The following TMEM229B variants were observed in gnomAD, a reference collection of about 807,000 sequenced individuals.
TMEM229B encodes chromosome 14 open reading frame 83.
TMEM229B carries 6 observed loss-of-function variants against 13.7 expected under a neutral mutation model. The ratio of observed to expected loss-of-function variants is 0.44; its 90% CI spans 0.24 to 0.86. The LOEUF is 0.86. TMEM229B is among the 40% of genes least tolerant of loss of function. TMEM229B has a pLI of 0.23. For synonymous variants in TMEM229B, 107 were observed against 102.1 expected, an observed-to-expected ratio of 1.05 and a Z score of -0.29; for missense variants, 170 against 236.0, an observed-to-expected ratio of 0.72 and a Z score of 1.83.
At chr14:67,490,049 T>C (rs887057787), upstream of TMEM229B, among the ~76,000 whole-genome samples, 21 of 152,146 alleles carry the variant, frequency 1.4e-4, no homozygotes, top group African/African-American at 4.8e-4. Context: ...ATGAATTTCT[T>C]GAGATCATAA....
intron 1 of TMEM229B, among the ~76,000 whole-genome samples, chr14:67,506,505 C>A (rs1479188064): frequency 6.6e-6 from 1 of 152,090 alleles, no homozygotes; most frequent in Non-Finnish European, 1.5e-5. Context: ...TCTCTCATCC[C>A]CCCAGTAGCA....
chr14:67,498,407 G>A (rs2032476834), intron 1 of TMEM229B, among the ~76,000 whole-genome samples: 1 of 152,180 alleles, frequency 6.6e-6, no homozygotes, highest in African/African-American at 2.4e-5. Flanking sequence ...GCAAAGGGGA[G>A]ACTTTGCTTT....
upstream of TMEM229B, among the ~76,000 whole-genome samples, chr14:67,489,723 G>A (rs914614656): frequency 1.3e-5 from 2 of 152,190 alleles, no homozygotes; most frequent in Non-Finnish European, 2.9e-5. Flanking sequence ...GGGCGCGGTG[G>A]CTCACGCCTG....
intron 1 of TMEM229B, among the ~76,000 whole-genome samples, chr14:67,524,901 A>G (rs2140276738): frequency 6.6e-6 from 1 of 152,236 alleles, no homozygotes; most frequent in African/African-American, 2.4e-5. Context: ...TAATGAAGGG[A>G]AAGGAGGCAG....
At chr14:67,489,566 CCTT>C (rs2140138774), upstream of TMEM229B, among the ~76,000 whole-genome samples, 1 of 152,310 alleles carries the variant, frequency 6.6e-6, no homozygotes, top group South Asian at 2.1e-4. Context: ...CATTCTGACT[CCTT>C]CTTCCAGACC....
At chr14:67,489,195 T>C (rs1269254566), upstream of TMEM229B, among the ~76,000 whole-genome samples, 1 of 152,168 alleles carries the variant, frequency 6.6e-6, no homozygotes, top group Non-Finnish European at 1.5e-5. Flanking sequence ...AATGGTCACC[T>C]CTATTTTAGA....
At chr14:67,503,523 T>C (rs2077050738) in intron 1 of TMEM229B, 1 of 152,160 alleles carries the variant, frequency 6.6e-6, no homozygotes, top group Non-Finnish European at 1.5e-5. Context: ...GCATGCCACC[T>C]TCATGACTCG....
chr14:67,486,496 A>G (rs1240494115), intron 2 of TMEM229B, among the ~76,000 whole-genome samples: 1 of 152,162 alleles, frequency 6.6e-6, no homozygotes, highest in African/African-American at 2.4e-5. Flanking sequence ...GATGGTCTCA[A>G]TCTGTTGACC....
At chr14:67,475,768 C>T (rs1412758229) in intron 2 of TMEM229B, among the ~76,000 whole-genome samples, 1 of 152,294 alleles carries the variant, frequency 6.6e-6, no homozygotes, top group South Asian at 2.1e-4. Context: ...TCTTCAACGC[C>T]CGGCTCCCAT....
At chr14:67,533,084 C>G (rs543368247) in intron 1 of TMEM229B, among the ~76,000 whole-genome samples, 1 of 152,254 alleles carries the variant, frequency 6.6e-6, no homozygotes, top group South Asian at 2.1e-4. Flanking sequence ...TGTGCCTCTC[C>G]GCGAGCTGCC....
chr14:67,507,723 C>T (rs1375780822), intron 1 of TMEM229B, among the ~76,000 whole-genome samples: 2 of 152,212 alleles, frequency 1.3e-5, no homozygotes, highest in Admixed American at 1.3e-4. Flanking sequence ...GTGTGAGCCA[C>T]CCTGCCTGGC....
At chr14:67,489,472 G>C (rs2032064480), upstream of TMEM229B, among the ~76,000 whole-genome samples, 1 of 152,222 alleles carries the variant, frequency 6.6e-6, no homozygotes, top group African/African-American at 2.4e-5. Flanking sequence ...CAATATGCCT[G>C]AGACGCTGCT....
At chr14:67,491,109 G>A (rs2032150886), upstream of TMEM229B, among the ~76,000 whole-genome samples, 3 of 152,204 alleles carry the variant, frequency 2.0e-5, no homozygotes, top group Admixed American at 6.5e-5. Context: ...TTACAAACCA[G>A]GGTTCCCATG....
upstream of TMEM229B, chr14:67,515,488 C>G (rs528480219): frequency 5.5e-3 from 862 of 157,942 alleles, 9 homozygotes; most frequent in African/African-American, 0.02. Flanking sequence ...TCGCGTCTGA[C>G]AGGCGCTCGC....
chr14:67,482,254 G>A (rs1251571115), intron 2 of TMEM229B, among the ~76,000 whole-genome samples: 1 of 152,190 alleles, frequency 6.6e-6, no homozygotes. Context: ...CAGGGTGGCA[G>A]GGGACATGGC....
chr14:67,473,915 A>T lies in TMEM229B; in HGVS notation c.9T>A (p.Ser3=). MA[S]AEPLTALSRW... ...GGGACAGCGCCGTCAGGGGCTCGGC[A>T]GACGCCATGGCGCCGACTGGGGCTG... The change falls in exon 3 of 3, where the codon TCT becomes TCA. Residue 3 remains serine, a synonymous_variant. Coordinates refer to ENST00000554480, the MANE Select transcript of TMEM229B (RefSeq NM_001348543.2). The surrounding 1 kb of genome is among the most constrained non-coding windows in gnomAD (Gnocchi z 6.5). 6.2e-7 allele frequency: 1 copy of T among 1,603,064 alleles called. No individual in the cohort carries two copies. The highest frequency in any genetic ancestry group is 8.5e-7 in the Non-Finnish European group (1 of 1,175,226).
At chr14:67,527,620 T>C (rs1031541983) in intron 1 of TMEM229B, among the ~76,000 whole-genome samples, 2 of 152,218 alleles carry the variant, frequency 1.3e-5, no homozygotes, top group Admixed American at 1.3e-4. Flanking sequence ...GTTGCTTCTA[T>C]TCCCATTCAG....
At chr14:67,498,461 C>T (rs527828945) in intron 1 of TMEM229B, among the ~76,000 whole-genome samples, 56 of 152,302 alleles carry the variant, frequency 3.7e-4, no homozygotes, top group African/African-American at 1.3e-3. Flanking sequence ...ATTTCTTTCT[C>T]CTTTAGAGTA....
chr14:67,530,134 A>AT (rs2033423657), intron 1 of TMEM229B, among the ~76,000 whole-genome samples: 1 of 152,204 alleles, frequency 6.6e-6, no homozygotes, highest in Admixed American at 6.5e-5. Context: ...AATCTTGTAA[A>AT]CAGAGATTTA....
Sources: gnomAD v4.1 joint callset for allele counts (sites outside exome capture counted in the v4.1 genomes callset) on GRCh38, gnomAD v4.1.1 for gene constraint, Gnocchi (gnomAD v3.1) non-coding constraint, MANE v1.5 for transcripts, NCBI Gene and HGNC (gene_info 2026-07-23, HGNC 2026-07-21) for gene names.